NTRK3: variants seen among roughly 807,000 people sequenced by gnomAD.
The protein encoded by NTRK3 is neurotrophic receptor tyrosine kinase 3.
Under a neutral mutation model 91.7 loss-of-function variants are expected in NTRK3, and 24 were observed. That is an observed-to-expected ratio of 0.26 (90% confidence interval 0.19 to 0.37). The LOEUF (loss-of-function observed/expected upper bound fraction) is 0.37, where lower values mean the gene tolerates loss of function less well. Ranked by LOEUF, NTRK3 falls within the 10% of genes least tolerant of loss-of-function variation. The pLI, the probability that NTRK3 is intolerant of heterozygous loss-of-function variation, is 1.00. For missense variants in NTRK3, 880 were observed against 1,068.9 expected (o/e 0.82, Z 2.46); for synonymous variants, 483 against 404.0 (o/e 1.20, Z -2.34).
chr15:88,016,121 T>G (rs2077218471), intron 14 of NTRK3, among the ~76,000 whole-genome samples: 1 of 152,158 alleles, frequency 6.6e-6, no homozygotes, highest in Non-Finnish European at 1.5e-5. Flanking sequence ...GGGGTGGCAT[T>G]AGGGATGATT....
At chr15:88,184,094 C>T (rs2046752477) in intron 4 of NTRK3, 131 bp downstream of exon 4, 1 of 885,714 alleles carries the variant, frequency 1.1e-6, no homozygotes, top group Non-Finnish European at 1.8e-6. Context: ...GCCAACTCTA[C>T]CAAAAGAAGA....
chr15:88,065,872 G>C (rs978976867), intron 13 of NTRK3, among the ~76,000 whole-genome samples: 1 of 152,278 alleles, frequency 6.6e-6, no homozygotes. Context: ...TCCTCTTCAT[G>C]CCTCATGAAT....
At chr15:88,170,341 A>AT (rs1229010972) in intron 5 of NTRK3, among the ~76,000 whole-genome samples, 1 of 152,138 alleles carries the variant, frequency 6.6e-6, no homozygotes, top group South Asian at 2.1e-4. Flanking sequence ...ACCAGGTTGC[A>AT]TTTTTTTCCT....
exon 19 of NTRK3, chr15:87,860,101 T>C (rs971978942): frequency 4.7e-6 from 1 of 214,488 alleles, no homozygotes; most frequent in Non-Finnish European, 9.4e-6. Flanking sequence ...TGAAGAATGG[T>C]TGATTTGTAT....
chr15:88,069,191 G>T (rs764649849), intron 13 of NTRK3, among the ~76,000 whole-genome samples: 2 of 152,158 alleles, frequency 1.3e-5, no homozygotes, highest in African/African-American at 2.4e-5. Context: ...TGCAGAAAGA[G>T]ATCAATCATA....
intron 14 of NTRK3, among the ~76,000 whole-genome samples, chr15:87,988,496 C>T (rs1470905615): frequency 6.6e-6 from 1 of 152,130 alleles, no homozygotes; most frequent in African/African-American, 2.4e-5. Flanking sequence ...AGAATGATTA[C>T]AATAGGAGAA....
At chr15:88,065,809 T>C (rs1272891118) in intron 13 of NTRK3, among the ~76,000 whole-genome samples, 1 of 152,234 alleles carries the variant, frequency 6.6e-6, no homozygotes, top group South Asian at 2.1e-4. Context: ...TGAAACTCTC[T>C]AATAAGGTAG....
intron 14 of NTRK3, chr15:87,978,416 A>C (rs1192744327): frequency 4.4e-6 from 1 of 228,876 alleles, no homozygotes; most frequent in Non-Finnish European, 8.7e-6. Context: ...GGGTTCCAAA[A>C]GTTCTCAGAG....
chr15:88,033,096 T>C (rs2142026078), intron 13 of NTRK3, 51 bp from the exon 14 acceptor site: 5 of 1,530,464 alleles, frequency 3.3e-6, no homozygotes, highest in Non-Finnish European at 8.8e-7. Context: ...ATCCGGCCAG[T>C]TTCCAGCCCT....
chr15:87,944,737 G>A (rs1292454353), intron 14 of NTRK3, among the ~76,000 whole-genome samples: 1 of 152,202 alleles, frequency 6.6e-6, no homozygotes, highest in Non-Finnish European at 1.5e-5. Flanking sequence ...CAAGGGCGAG[G>A]GCAGGAGCCC....
At chr15:88,081,057 C>T (rs1366726891) in intron 13 of NTRK3, among the ~76,000 whole-genome samples, 1 of 152,242 alleles carries the variant, frequency 6.6e-6, no homozygotes, top group African/African-American at 2.4e-5. Flanking sequence ...AATTCTTAAA[C>T]AGAGCTGTGT....
intron 14 of NTRK3, among the ~76,000 whole-genome samples, chr15:88,009,258 T>G (rs377562610): frequency 7.4e-4 from 112 of 152,344 alleles, no homozygotes; most frequent in African/African-American, 2.6e-3. Flanking sequence ...CAGAACACTT[T>G]GCATTTATTT....
chr15:88,065,418 A>G (rs554025755), intron 13 of NTRK3, among the ~76,000 whole-genome samples: 81 of 152,302 alleles, frequency 5.3e-4, no homozygotes, highest in Non-Finnish European at 1.0e-3. Context: ...CCTGTCCCCA[A>G]ATCAGGTGGT....
chr15:87,905,522 T>C (rs2066714026), intron 17 of NTRK3, among the ~76,000 whole-genome samples: 1 of 152,228 alleles, frequency 6.6e-6, no homozygotes, highest in South Asian at 2.1e-4. Context: ...ATATTTAGGT[T>C]AAATATAACC....
chr15:87,935,817 T>G (rs536149993), intron 15 of NTRK3, among the ~76,000 whole-genome samples: 89 of 152,312 alleles, frequency 5.8e-4, no homozygotes, highest in Non-Finnish European at 1.1e-3. Context: ...CCCTGCACTG[T>G]GAGGCAGAGA....
intron 14 of NTRK3, among the ~76,000 whole-genome samples, chr15:87,990,511 T>C (rs2141481239): frequency 6.6e-6 from 1 of 152,330 alleles, no homozygotes; most frequent in Middle Eastern, 3.4e-3. Context: ...TGTCTTTTTA[T>C]AATTTTTGTC....
At chr15:88,143,291 C>T (rs993168808) in intron 6 of NTRK3, among the ~76,000 whole-genome samples, 4 of 152,216 alleles carry the variant, frequency 2.6e-5, no homozygotes, top group African/African-American at 7.2e-5. Flanking sequence ...ATGGCAGGCA[C>T]GTGAGATGGA....
chr15:88,049,790 G>C (rs748391507), intron 13 of NTRK3, among the ~76,000 whole-genome samples: 1 of 152,230 alleles, frequency 6.6e-6, no homozygotes, highest in South Asian at 2.1e-4. Flanking sequence ...AATTGAAAGA[G>C]AGGTTGGGAG....
chr15:88,150,709 A>T (rs1031435047), intron 5 of NTRK3, among the ~76,000 whole-genome samples: 3 of 152,196 alleles, frequency 2.0e-5, no homozygotes, highest in African/African-American at 7.2e-5. Flanking sequence ...ACTGTACACA[A>T]TGCCCTGCCA....
Sources: allele counts gnomAD v4.1 joint callset (sites outside exome capture counted in the v4.1 genomes callset), GRCh38; gene constraint gnomAD v4.1.1; transcripts MANE v1.5; gene names NCBI Gene and HGNC (gene_info 2026-07-23, HGNC 2026-07-21).